The following AGAP1 variants were observed in gnomAD, a reference collection of about 807,000 sequenced individuals.
AGAP1 encodes the protein arf-GAP with GTPase, ANK repeat and PH domain-containing protein 1.
A neutral mutation model predicts 105.3 loss-of-function variants in AGAP1; 29 were observed. That is an observed-to-expected ratio of 0.28 (90% CI 0.21 to 0.38). The LOEUF is 0.38. Among genes scored for constraint, AGAP1 ranks in the 10% least tolerant of loss-of-function variants. AGAP1 has a pLI of 1.00. For missense variants in AGAP1, 998 were observed against 1,165.1 expected, an observed-to-expected ratio of 0.86 and a Z score of 2.09; for synonymous variants, 509 against 485.9, an observed-to-expected ratio of 1.05 and a Z score of -0.63.
At position 236,104,430 on chromosome 2, in the gene AGAP1, G is replaced by A. The variant is rs548332604; in HGVS notation, c.2115-15762G>A. Among the ~76,000 whole-genome samples, 2 of 152,360 alleles carry A rather than the reference G, an allele frequency of 1.3e-5. No individual in the cohort carries two copies. Among genetic ancestry groups the A allele is most frequent in the South Asian group, 4.1e-4 (2 of 4,828 alleles). ...ATCAAATGACTCCCCAACAGGGGTG[G>A]ATCCTGCCCCTCGACCAGCACCTGT... On this transcript the variant is annotated intron_variant, in intron 16 of 17. Transcript: ENST00000304032. The surrounding 1 kb of genome is among the most constrained non-coding windows in gnomAD (Gnocchi z 4.7).
intron 6 of AGAP1, among the ~76,000 whole-genome samples, chr2:235,780,999 T>C (rs187016203): frequency 2.0e-4 from 30 of 152,316 alleles, no homozygotes; most frequent in African/African-American, 7.0e-4. Context: ...AAATATTCTC[T>C]GGACAATTAT....
At position 235,569,002 on chromosome 2, in the gene AGAP1, C is replaced by T. The variant is rs34690321; in HGVS notation, c.163+74153C>T. On this transcript the variant is annotated intron_variant, in intron 1 of 17. Coordinates refer to ENST00000304032, the MANE Select transcript of AGAP1 (RefSeq NM_001037131.3). This position sits in a 1 kb window ranked among gnomAD's most constrained non-coding sequence, Gnocchi z 5.9. ...CCTCAATGCCATTAATTTAATCACA[C>T]CAGCAAAGTTCCTTTTGCCATATAA... Among the ~76,000 whole-genome samples the T allele has an allele frequency of 0.026, 3,925 of 152,310 alleles. 58 individuals carry two copies. Among genetic ancestry groups the T allele is most frequent in the Middle Eastern group, 0.048 (14 of 294 alleles).
At chr2:235,592,544 G>A (rs1945382571) in intron 1 of AGAP1, among the ~76,000 whole-genome samples, 1 of 152,154 alleles carries the variant, frequency 6.6e-6, no homozygotes. Flanking sequence ...AGCTCTTGGA[G>A]GTTCTCCCTA....
intron 13 of AGAP1, among the ~76,000 whole-genome samples, chr2:235,985,487 C>G (rs2055274494): frequency 6.6e-6 from 1 of 152,170 alleles, no homozygotes; most frequent in African/African-American, 2.4e-5. Flanking sequence ...GCTTTTGTTG[C>G]AATTGCTTTT....
At chr2:235,661,369 G>A (rs1428255429) in intron 1 of AGAP1, among the ~76,000 whole-genome samples, 1 of 152,104 alleles carries the variant, frequency 6.6e-6, no homozygotes, top group Non-Finnish European at 1.5e-5. Context: ...GAGGGTACAG[G>A]GTCCATTTGC....
rs891046944 is a variant in AGAP1, at chr2:235,517,581, T to C, written c.163+22732T>C. ...GTAAAAAAATGTAAAAGAACTTGTT[T>C]AGATCAAAGTCATGTTTTTAAAATA... is the stretch of plus-strand genomic sequence containing the variant. On this transcript the variant is annotated intron_variant, in intron 1 of 17. Coordinates refer to ENST00000304032, the MANE Select transcript of AGAP1 (RefSeq NM_001037131.3). This position sits in a 1 kb window ranked among gnomAD's most constrained non-coding sequence, Gnocchi z 4.1. Among the ~76,000 whole-genome samples, 2 of 152,198 alleles carry C rather than the reference T, an allele frequency of 1.3e-5. No individual in the cohort carries two copies. The highest frequency in any genetic ancestry group is 2.9e-5 in the Non-Finnish European group (2 of 68,042).
chr2:235,853,242 G>A, intron 9 of AGAP1: 1 of 1,005,930 alleles, frequency 9.9e-7, no homozygotes, highest in Non-Finnish European at 1.2e-6. Flanking sequence ...CTGGATGAGA[G>A]AAAAACGGGG....
chr2:236,030,575 G>T (rs1235146867), intron 13 of AGAP1, among the ~76,000 whole-genome samples: 1 of 152,204 alleles, frequency 6.6e-6, no homozygotes, highest in South Asian at 2.1e-4. Flanking sequence ...GCCCCTCAGG[G>T]TAGCCTTCAC....
chr2:235,679,042 C>G (rs543615042), intron 1 of AGAP1, among the ~76,000 whole-genome samples: 5 of 152,330 alleles, frequency 3.3e-5, no homozygotes, highest in Admixed American at 2.0e-4. Flanking sequence ...GTGGATAATA[C>G]AATGATGGCG....
In AGAP1 at chr2:235,927,801, T is replaced by A. The variant is rs1018597210; in HGVS notation, c.1325-2964T>A. ...CAGGGAGAAGGAGCAAGAGAAGCGG[T>A]GCTCTATTGAGTGCCATGTTGTCAT... On this transcript the variant is annotated intron_variant, in intron 11 of 17. Coordinates refer to ENST00000304032, the MANE Select transcript of AGAP1 (RefSeq NM_001037131.3). This position sits in a 1 kb window ranked among gnomAD's most constrained non-coding sequence, Gnocchi z 4.4. 1.3e-5 allele frequency among the ~76,000 whole-genome samples: 2 copies of A among 152,200 alleles called. No homozygotes were observed. Among genetic ancestry groups the A allele is most frequent in the African/African-American group, 4.8e-5 (2 of 41,454 alleles).
intron 6 of AGAP1, chr2:235,773,976 T>A: frequency 4.2e-6 from 2 of 470,788 alleles, no homozygotes; most frequent in South Asian, 1.6e-5. Flanking sequence ...CAACTTTTTT[T>A]CCCCCTCTAA....
intron 1 of AGAP1, chr2:235,671,137 G>A (rs945941282): frequency 4.9e-6 from 6 of 1,227,884 alleles, no homozygotes; most frequent in Non-Finnish European, 6.1e-6. Context: ...TATGGGACCC[G>A]CCCTCCCGGG....
intron 13 of AGAP1, among the ~76,000 whole-genome samples, chr2:236,025,828 G>A (rs917682792): frequency 2.0e-5 from 3 of 150,908 alleles, no homozygotes; most frequent in African/African-American, 4.9e-5. Flanking sequence ...CTTGAACCCC[G>A]GAGGCAGAGG....
At chr2:235,544,365 G>A (rs1051684970) in intron 1 of AGAP1, among the ~76,000 whole-genome samples, 16 of 152,140 alleles carry the variant, frequency 1.1e-4, no homozygotes, top group Non-Finnish European at 2.2e-4. Context: ...TCTGAGTCCC[G>A]CAGGGACTGG....
intron 1 of AGAP1, among the ~76,000 whole-genome samples, chr2:235,540,532 C>T (rs751301065): frequency 6.6e-6 from 1 of 152,180 alleles, no homozygotes; most frequent in Non-Finnish European, 1.5e-5. Context: ...GCCTGGTTAT[C>T]AGAGATGCAA....
In AGAP1 at chr2:235,961,140, A is replaced by G. The variant is rs2054167527; in HGVS notation, c.1484-7322A>G. Among the ~76,000 whole-genome samples the G allele has an allele frequency of 6.6e-6, 1 of 152,196 alleles. No individual in the cohort carries two copies. The highest frequency in any genetic ancestry group is 2.4e-5 in the African/African-American group (1 of 41,466). ...TGAAGCTCGAGCGCTCATAGGGAAG[A>G]TGTTCCGTAAACAAAGAAACACGCA... On this transcript the variant is annotated intron_variant, in intron 12 of 17. Coordinates refer to ENST00000304032, the MANE Select transcript of AGAP1 (RefSeq NM_001037131.3). The surrounding 1 kb of genome is among the most constrained non-coding windows in gnomAD (Gnocchi z 5.9).
chr2:235,827,454 C>T (rs1031843414), intron 9 of AGAP1, among the ~76,000 whole-genome samples: 3 of 152,152 alleles, frequency 2.0e-5, no homozygotes, highest in African/African-American at 7.2e-5. Flanking sequence ...GGTATTTCTG[C>T]ACTTTAATGA....
rs556078164 is a variant in AGAP1, at chr2:235,497,887, T to C, written c.163+3038T>C. ...CTGGGATTACAGGTGTGAGCCACCG[T>C]GCCCGGCCGGGCACTTCTTAACGTT... is the stretch of plus-strand genomic sequence containing the variant. On this transcript the variant is annotated intron_variant, in intron 1 of 17. Coordinates refer to ENST00000304032, the MANE Select transcript of AGAP1 (RefSeq NM_001037131.3). Among the ~76,000 whole-genome samples the C allele has an allele frequency of 7.9e-5, 12 of 152,200 alleles. No homozygotes were observed. The South Asian group carries it at 8.3e-4, about 11-fold the overall frequency.
chr2:235,699,283 G>A (rs1294841346), intron 1 of AGAP1, among the ~76,000 whole-genome samples: 1 of 152,160 alleles, frequency 6.6e-6, no homozygotes, highest in African/African-American at 2.4e-5. Flanking sequence ...TGTAGATACA[G>A]GCAGTGTCTT....
Sources: allele counts gnomAD v4.1 joint callset (sites outside exome capture counted in the v4.1 genomes callset), GRCh38; gene constraint gnomAD v4.1.1; non-coding constraint Gnocchi (gnomAD v3.1); transcripts MANE v1.5; gene names NCBI Gene and HGNC (gene_info 2026-07-23, HGNC 2026-07-21).